Variants in KIAA1328 observed in about 807,000 individuals in gnomAD.
The protein encoded by KIAA1328 is protein hinderin.
Under a neutral mutation model 68.1 loss-of-function variants are expected in KIAA1328, and 52 were observed. The observed-to-expected ratio is 0.76, with a 90% CI of 0.61 to 0.96. The LOEUF (loss-of-function observed/expected upper bound fraction) is 0.96, where lower values mean the gene tolerates loss of function less well. KIAA1328 is among the 40% of genes least tolerant of loss of function. The probability of loss-of-function intolerance (pLI) is 0.00; values close to 1 mark genes in which losing one functional copy is unlikely to be tolerated. For synonymous variants in KIAA1328, 232 were observed against 239.4 expected (o/e 0.97, Z 0.28); for missense variants, 641 against 677.6 (o/e 0.95, Z 0.60).
chr18:36,854,944 A>G (rs757880012), intron 4 of KIAA1328, among the ~76,000 whole-genome samples: 7 of 152,140 alleles, frequency 4.6e-5, no homozygotes, highest in Non-Finnish European at 7.4e-5. Flanking sequence ...TTCTTTCACA[A>G]TGTTTTCAAG....
At position 37,105,780 on chromosome 18, in the gene KIAA1328, G is replaced by C. The variant is rs2057753305; in HGVS notation, c.1232+38235G>C. ...AAAAATACAAAAATTAACTTGGCTT[G>C]GTGGCAGGCACCTGTAATCCCAGTT... On this transcript the variant is annotated intron_variant, in intron 7 of 9. Transcript: ENST00000280020. Among the ~76,000 whole-genome samples, 3 of 151,274 alleles carry C rather than the reference G, an allele frequency of 2.0e-5. No homozygotes were observed. In the South Asian group the frequency reaches 6.3e-4, roughly 32 times the overall value.
At chr18:37,049,115 G>C (rs2055590981) in intron 6 of KIAA1328, among the ~76,000 whole-genome samples, 1 of 152,166 alleles carries the variant, frequency 6.6e-6, no homozygotes, top group Non-Finnish European at 1.5e-5. Context: ...TACATGGTCT[G>C]TGCCCTCAAA....
chr18:37,101,346 T>C (rs1327768952), intron 7 of KIAA1328, among the ~76,000 whole-genome samples: 1 of 152,032 alleles, frequency 6.6e-6, no homozygotes, highest in Non-Finnish European at 1.5e-5. Context: ...CTGAAAACCA[T>C]GGCACGAGAA....
chr18:36,983,575 G>GA (rs967052415), intron 6 of KIAA1328, among the ~76,000 whole-genome samples: 41 of 149,302 alleles, frequency 2.7e-4, no homozygotes, highest in Non-Finnish European at 5.5e-4. Flanking sequence ...ATACTTAAGA[G>GA]AAAAAAAAAG....
intron 6 of KIAA1328, among the ~76,000 whole-genome samples, chr18:36,960,904 T>G (rs2051639013): frequency 6.6e-6 from 1 of 152,182 alleles, no homozygotes; most frequent in Non-Finnish European, 1.5e-5. Context: ...AGAGCTCCTC[T>G]TCTCCTCCAA....
chr18:37,031,017 A>G (rs1024195770), intron 6 of KIAA1328, among the ~76,000 whole-genome samples: 2 of 152,056 alleles, frequency 1.3e-5, no homozygotes, highest in African/African-American at 4.8e-5. Context: ...TGAACTCATC[A>G]TTTTTTATGG....
intron 4 of KIAA1328, among the ~76,000 whole-genome samples, chr18:36,873,447 T>A (rs1010631581): frequency 6.6e-6 from 1 of 152,092 alleles, no homozygotes; most frequent in Non-Finnish European, 1.5e-5. Context: ...TGAGCAAGAG[T>A]AAACAAGACA....
At chr18:36,897,351 T>C (rs1311124087) in intron 5 of KIAA1328, among the ~76,000 whole-genome samples, 2 of 152,132 alleles carry the variant, frequency 1.3e-5, no homozygotes, top group Non-Finnish European at 2.9e-5. Context: ...CTAAAGATAA[T>C]GCTGGGTTTC....
At chr18:37,184,164 T>G (rs1473716367) in intron 9 of KIAA1328, among the ~76,000 whole-genome samples, 5 of 152,204 alleles carry the variant, frequency 3.3e-5, no homozygotes, top group Non-Finnish European at 7.3e-5. Flanking sequence ...CTATTTTGCT[T>G]TATGTCTTCA....
At chr18:36,891,095 G>C (rs775629846) in intron 5 of KIAA1328, among the ~76,000 whole-genome samples, 14 of 152,196 alleles carry the variant, frequency 9.2e-5, no homozygotes, top group Admixed American at 2.0e-4. Flanking sequence ...TTTCACAACT[G>C]TGACAACAGG....
At chr18:37,134,500 T>C (rs1324741545) in intron 7 of KIAA1328, among the ~76,000 whole-genome samples, 1 of 152,138 alleles carries the variant, frequency 6.6e-6, no homozygotes, top group East Asian at 1.9e-4. Flanking sequence ...AAAAATATCA[T>C]TGTTTTATAT....
chr18:37,171,069 G>A (rs2059490457), intron 8 of KIAA1328, among the ~76,000 whole-genome samples: 1 of 152,096 alleles, frequency 6.6e-6, no homozygotes, highest in Non-Finnish European at 1.5e-5. Flanking sequence ...GCTATATAAA[G>A]TTACTATTTA....
chr18:36,959,502 T>A (rs1271048249), intron 6 of KIAA1328, 67 bp downstream of exon 6: 12 of 1,498,618 alleles, frequency 8.0e-6, no homozygotes, highest in Non-Finnish European at 1.1e-5. Flanking sequence ...GAGCCATTTG[T>A]TTTTTATCTT....
chr18:37,163,741 A>T (rs766420112), intron 8 of KIAA1328, among the ~76,000 whole-genome samples: 6 of 152,180 alleles, frequency 3.9e-5, no homozygotes, highest in Non-Finnish European at 8.8e-5. Flanking sequence ...TACAGAAATC[A>T]TTTCTATCTT....
At chr18:36,998,610 C>A (rs2053480322) in intron 6 of KIAA1328, among the ~76,000 whole-genome samples, 1 of 152,208 alleles carries the variant, frequency 6.6e-6, no homozygotes, top group Admixed American at 6.5e-5. Context: ...CTCATCACAA[C>A]CTTACCACAG....
intron 9 of KIAA1328, among the ~76,000 whole-genome samples, chr18:37,216,358 T>C (rs2060433282): frequency 6.6e-6 from 1 of 152,222 alleles, no homozygotes; most frequent in Non-Finnish European, 1.5e-5. Context: ...TTTGTTCTCG[T>C]TGGTTTCAAA....
chr18:37,067,651 C>T, intron 7 of KIAA1328, 106 bp downstream of exon 7: 1 of 1,215,760 alleles, frequency 8.2e-7, no homozygotes, highest in Admixed American at 2.9e-5. Flanking sequence ...GCCTCCGCCT[C>T]CCGAGTTCAA....
intron 4 of KIAA1328, among the ~76,000 whole-genome samples, chr18:36,875,620 C>T (rs551469374): frequency 1.4e-4 from 22 of 152,270 alleles, no homozygotes; most frequent in African/African-American, 2.6e-4. Flanking sequence ...CAAACAGAGA[C>T]AATTTGACTT....
intron 7 of KIAA1328, among the ~76,000 whole-genome samples, chr18:37,070,021 T>A (rs2056471317): frequency 6.6e-6 from 1 of 152,148 alleles, no homozygotes; most frequent in Non-Finnish European, 1.5e-5. Context: ...TATGTTGCAT[T>A]TTCATGTTTA....
Sources: gnomAD v4.1 joint callset for allele counts (sites outside exome capture counted in the v4.1 genomes callset) on GRCh38, gnomAD v4.1.1 for gene constraint, MANE v1.5 for transcripts, NCBI Gene and HGNC (gene_info 2026-07-23, HGNC 2026-07-21) for gene names.